TBC1D5: variants seen among roughly 807,000 people sequenced by gnomAD.
The protein encoded by TBC1D5 is TBC1 domain family member 5.
Under a neutral mutation model 100.3 loss-of-function variants are expected in TBC1D5, and 75 were observed. The observed-to-expected ratio is 0.75, with a 90% CI of 0.62 to 0.91. The LOEUF (loss-of-function observed/expected upper bound fraction) is 0.91. TBC1D5 is among the 40% of genes least tolerant of loss of function. The pLI is 0.00. For synonymous variants in TBC1D5, 323 were observed against 325.6 expected (o/e 0.99, Z 0.09); for missense variants, 910 against 942.4 (o/e 0.97, Z 0.45).
intron 13 of TBC1D5, among the ~76,000 whole-genome samples, chr3:17,334,308 T>C (rs866306207): frequency 7.2e-5 from 11 of 152,282 alleles, no homozygotes; most frequent in African/African-American, 2.4e-4. Flanking sequence ...ATCTAAATCA[T>C]CTTTAGAAAT....
chr3:17,672,813 T>A (rs2068098095), intron 1 of TBC1D5: 2 of 152,364 alleles, frequency 1.3e-5, no homozygotes, highest in Admixed American at 1.3e-4. Context: ...TACAATGCTA[T>A]AAGAATTGAT....
chr3:17,672,124 A>T (rs1157750364), intron 1 of TBC1D5, among the ~76,000 whole-genome samples: 1 of 152,210 alleles, frequency 6.6e-6, no homozygotes. Context: ...CACAACCCAA[A>T]TCTTAAGTGT....
At chr3:17,532,362 A>G (rs1359581881) in intron 2 of TBC1D5, among the ~76,000 whole-genome samples, 3 of 152,230 alleles carry the variant, frequency 2.0e-5, no homozygotes, top group Non-Finnish European at 4.4e-5. Context: ...ATGTAGAGAA[A>G]CAGGAACACT....
intron 14 of TBC1D5, among the ~76,000 whole-genome samples, chr3:17,292,653 G>A (rs1575163716): frequency 6.6e-6 from 1 of 151,988 alleles, no homozygotes; most frequent in African/African-American, 2.4e-5. Flanking sequence ...CTAATTATGG[G>A]TGTAATTATT....
chr3:17,601,683 GTCATT>G (rs2060955703), intron 2 of TBC1D5, among the ~76,000 whole-genome samples: 1 of 152,138 alleles, frequency 6.6e-6, no homozygotes, highest in Non-Finnish European at 1.5e-5. Flanking sequence ...TTAGAAACTT[GTCATT>G]TCATTTAATT....
chr3:17,221,413 C>T (rs967687697), intron 17 of TBC1D5, among the ~76,000 whole-genome samples: 2 of 152,040 alleles, frequency 1.3e-5, no homozygotes, highest in East Asian at 1.9e-4. Context: ...TTAGATATAT[C>T]TCCTAATGCT....
At chr3:17,576,615 C>G (rs2096658560) in intron 2 of TBC1D5, 1 of 151,986 alleles carries the variant, frequency 6.6e-6, no homozygotes, top group Non-Finnish European at 1.5e-5. Flanking sequence ...CACTGTATTT[C>G]TATTCATAGG....
intron 14 of TBC1D5, among the ~76,000 whole-genome samples, chr3:17,294,334 C>T (rs1380474133): frequency 6.6e-6 from 1 of 152,112 alleles, no homozygotes; most frequent in Admixed American, 6.5e-5. Context: ...ATCCTCCTGC[C>T]CCAGCCTCTG....
chr3:17,602,907 T>C (rs1304980427), intron 2 of TBC1D5, among the ~76,000 whole-genome samples: 5 of 152,018 alleles, frequency 3.3e-5, no homozygotes, highest in African/African-American at 4.8e-5. Context: ...ATTCCTCACT[T>C]AAATCCTTAA....
At chr3:17,305,332 A>G (rs918593848) in intron 14 of TBC1D5, among the ~76,000 whole-genome samples, 1 of 152,102 alleles carries the variant, frequency 6.6e-6, no homozygotes, top group Non-Finnish European at 1.5e-5. Context: ...TTCTCTTTCC[A>G]TATGTACCCA....
intron 4 of TBC1D5, among the ~76,000 whole-genome samples, chr3:17,408,988 T>C (rs965721295): frequency 1.3e-5 from 2 of 152,164 alleles, no homozygotes; most frequent in East Asian, 3.9e-4. Context: ...TATACTGATA[T>C]CTCATAATGT....
chr3:17,223,703 A>C (rs898611438), intron 17 of TBC1D5, among the ~76,000 whole-genome samples: 1 of 152,142 alleles, frequency 6.6e-6, no homozygotes, highest in African/African-American at 2.4e-5. Flanking sequence ...TCTACAAAAA[A>C]TATATAAATT....
intron 14 of TBC1D5, among the ~76,000 whole-genome samples, chr3:17,302,473 T>C (rs1015448569): frequency 7.9e-5 from 12 of 151,934 alleles, no homozygotes; most frequent in African/African-American, 2.9e-4. Context: ...ATATCTTTTG[T>C]TGAGGGGGGG....
intron 15 of TBC1D5, among the ~76,000 whole-genome samples, chr3:17,288,246 T>C (rs1038897331): frequency 1.3e-5 from 2 of 152,182 alleles, no homozygotes; most frequent in Non-Finnish European, 2.9e-5. Context: ...TGGATTTCTA[T>C]AGAATAGATA....
chr3:17,712,987 T>G (rs1230102301), intron 1 of TBC1D5, among the ~76,000 whole-genome samples: 1 of 152,150 alleles, frequency 6.6e-6, no homozygotes, highest in Non-Finnish European at 1.5e-5. Flanking sequence ...CTCCCATTCT[T>G]CATCAAACTC....
chr3:17,686,322 T>C (rs897085359), intron 1 of TBC1D5, among the ~76,000 whole-genome samples: 21 of 152,156 alleles, frequency 1.4e-4, no homozygotes, highest in African/African-American at 4.8e-4. Flanking sequence ...TAGCATTCTT[T>C]ATATCCTTAA....
chr3:17,384,198 C>T (rs1019475064), intron 8 of TBC1D5, among the ~76,000 whole-genome samples, 183 bp from the exon 9 acceptor site: 2 of 151,920 alleles, frequency 1.3e-5, no homozygotes, highest in African/African-American at 2.4e-5. Flanking sequence ...TAATTACATC[C>T]CAGAGGTAAA....
rs764837926 is a variant in TBC1D5, at chr3:17,625,324, A to T, written c.-100-1411T>A. 4.3e-4 allele frequency among the ~76,000 whole-genome samples: 66 copies of T among 152,238 alleles called. 1 individual carries two copies. Among genetic ancestry groups the T allele is most frequent in the Non-Finnish European group, 7.9e-4 (54 of 67,956 alleles). On this transcript the variant is annotated intron_variant, in intron 1 of 21. Transcript: ENST00000253692. Reference sequence around the variant, plus strand: ...TATACATGTAAGTATGTAGGAGGCAAGTGTCCTTGTGCTTATAATTAGCAT... The same window carrying T: ...TATACATGTAAGTATGTAGGAGGCATGTGTCCTTGTGCTTATAATTAGCAT...
chr3:17,562,974 AAAGTGT>A (rs1216415455), intron 2 of TBC1D5, among the ~76,000 whole-genome samples: 3 of 152,216 alleles, frequency 2.0e-5, no homozygotes, highest in Non-Finnish European at 4.4e-5. Flanking sequence ...CTCTTACTTA[AAAGTGT>A]AAGGTTTGTG....
Sources: gnomAD v4.1 joint callset for allele counts (sites outside exome capture counted in the v4.1 genomes callset) on GRCh38, gnomAD v4.1.1 for gene constraint, MANE v1.5 for transcripts, NCBI Gene and HGNC (gene_info 2026-07-23, HGNC 2026-07-21) for gene names.